The following ARID1A variants were observed in gnomAD, a reference collection of about 807,000 sequenced individuals.
ARID1A encodes the protein AT-rich interaction domain 1A, also known as AT-rich interactive domain-containing protein 1A.
Under a neutral mutation model 212.6 loss-of-function variants are expected in ARID1A, and 20 were observed. The ratio of observed to expected loss-of-function variants is 0.09; its 90% CI spans 0.07 to 0.14. ARID1A has a LOEUF of 0.14. Among genes scored for constraint, ARID1A ranks in the 10% least tolerant of loss-of-function variants. The probability of loss-of-function intolerance (pLI) is 1.00; values close to 1 mark genes in which losing one functional copy is unlikely to be tolerated. For missense variants in ARID1A, 2,587 were observed against 3,059.0 expected (o/e 0.85, Z 3.64); for synonymous variants, 1,376 against 1,222.1 (o/e 1.13, Z -2.63).
intron 11 of ARID1A, 99 bp downstream of exon 11, chr1:26,768,098 A>C (rs2081054260): frequency 7.7e-7 from 1 of 1,290,524 alleles, no homozygotes; most frequent in Middle Eastern, 2.5e-4. Flanking sequence ...CCACAGGGAC[A>C]TCATCCCCTC....
chr1:26,710,514 CA>C (rs2080442569), intron 1 of ARID1A, among the ~76,000 whole-genome samples: 1 of 151,176 alleles, frequency 6.6e-6, no homozygotes, highest in African/African-American at 2.4e-5. Flanking sequence ...CACACACACA[CA>C]CACACACACA....
At chr1:26,775,817 A>G (rs1026712691) in intron 19 of ARID1A, 110 bp downstream of exon 19, 20 of 1,503,710 alleles carry the variant, frequency 1.3e-5, no homozygotes, top group African/African-American at 5.5e-5. Context: ...TCTCTTGTAG[A>G]TATCTTCCAT....
intron 4 of ARID1A, among the ~76,000 whole-genome samples, chr1:26,758,502 C>G (rs994086844): frequency 1.3e-5 from 2 of 152,052 alleles, no homozygotes; most frequent in Non-Finnish European, 2.9e-5. Context: ...GCCTGTAGTC[C>G]CAGCTACTCA....
intron 7 of ARID1A, 36 bp downstream of exon 7, chr1:26,762,355 G>A (rs2124065147): frequency 1.3e-6 from 2 of 1,593,198 alleles, no homozygotes; most frequent in Non-Finnish European, 1.7e-6. Flanking sequence ...AGATACGGGT[G>A]AGAGGAGAAA....
intron 1 of ARID1A, among the ~76,000 whole-genome samples, chr1:26,718,841 T>A (rs1057464835): frequency 2.0e-5 from 3 of 152,216 alleles, no homozygotes; most frequent in African/African-American, 7.2e-5. Context: ...ACTTTGTTTT[T>A]CCTATACATG....
intron 4 of ARID1A, among the ~76,000 whole-genome samples, chr1:26,739,525 C>G (rs1352452815): frequency 6.6e-5 from 10 of 152,154 alleles, no homozygotes; most frequent in Non-Finnish European, 1.0e-4. Context: ...AATTACTAGA[C>G]TAGGAAGCCA....
Position 26,707,498 on chromosome 1 carries a change from C to T in ARID1A, c.1137+9958C>T, listed in dbSNP as rs542463281. The stretch of plus-strand genomic sequence containing the variant: ...CTGGGATTACAGGCATAAGCCACCA[C>T]GCCCGGCCTAATGTTTGTATTTTTA... On this transcript the variant is annotated intron_variant, in intron 1 of 19. Coordinates refer to ENST00000324856, the MANE Select transcript of ARID1A (RefSeq NM_006015.6). Among the ~76,000 whole-genome samples, 23 of 151,774 alleles carry T rather than the reference C, an allele frequency of 1.5e-4. No individual in the cohort carries two copies. The South Asian group carries it at 4.0e-3, about 26-fold the overall frequency.
intron 1 of ARID1A, among the ~76,000 whole-genome samples, chr1:26,719,863 C>T (rs1415218173): frequency 5.4e-5 from 8 of 149,452 alleles, no homozygotes; most frequent in African/African-American, 2.0e-4. Context: ...ATTGCTTGAA[C>T]CCGGGAGGCA....
intron 1 of ARID1A, among the ~76,000 whole-genome samples, chr1:26,700,418 T>C (rs2080320868): frequency 6.6e-6 from 1 of 152,252 alleles, no homozygotes; most frequent in Non-Finnish European, 1.5e-5. Context: ...CTATGTCTTT[T>C]TCACAGGACC....
intron 4 of ARID1A, among the ~76,000 whole-genome samples, chr1:26,736,876 T>G (rs1029944786): frequency 5.3e-5 from 7 of 131,462 alleles, no homozygotes; most frequent in African/African-American, 1.5e-4. Flanking sequence ...CACTCCAGCC[T>G]GGGCAACAAG....
intron 1 of ARID1A, among the ~76,000 whole-genome samples, chr1:26,718,203 G>A (rs573548214): frequency 3.3e-5 from 5 of 152,226 alleles, no homozygotes; most frequent in South Asian, 4.1e-4. Context: ...TCGAACTCCC[G>A]ACCTCAGGTG....
intron 4 of ARID1A, among the ~76,000 whole-genome samples, chr1:26,746,915 A>G (rs1570589969): frequency 6.6e-6 from 1 of 152,038 alleles, no homozygotes. Flanking sequence ...CACCTGTAAT[A>G]CCAGCTACTT....
chr1:26,753,658 C>T (rs1416715187), intron 4 of ARID1A, among the ~76,000 whole-genome samples: 2 of 152,236 alleles, frequency 1.3e-5, no homozygotes, highest in African/African-American at 2.4e-5. Context: ...CTGATCCTCA[C>T]CTCCCATCTC....
At chr1:26,766,843 C>T (rs1014826342) in intron 10 of ARID1A, among the ~76,000 whole-genome samples, 2 of 152,184 alleles carry the variant, frequency 1.3e-5, no homozygotes, top group African/African-American at 4.8e-5. Context: ...GCATCAAACT[C>T]TCTGTACTGT....
intron 4 of ARID1A, among the ~76,000 whole-genome samples, chr1:26,734,860 T>A (rs1365937866): frequency 6.6e-6 from 1 of 152,158 alleles, no homozygotes; most frequent in Admixed American, 6.5e-5. Flanking sequence ...AGGTACCTAT[T>A]GGCACCAGAG....
At chr1:26,773,295 C>G (rs2081100288) in intron 14 of ARID1A, 51 bp from the exon 15 acceptor site, 1 of 1,524,212 alleles carries the variant, frequency 6.6e-7, no homozygotes. Context: ...GGGTAGATTA[C>G]CAGGCTTGTC....
rs2081081506 is a variant in ARID1A at position 26,771,380 on chromosome 1, C to T, written c.3406+54C>T. The T allele has an allele frequency of 5.1e-6, 8 of 1,553,504 alleles. No homozygotes were observed. In the South Asian group the frequency reaches 6.7e-5, roughly 13 times the overall value. Reference sequence around the variant, plus strand: ...GGCTGAGAGGGCCTGTTGCCCTGGCCTCTTATTCAGGATATGAATAAGAGG... The same window carrying T: ...GGCTGAGAGGGCCTGTTGCCCTGGCTTCTTATTCAGGATATGAATAAGAGG... On this transcript the variant is annotated intron_variant, in intron 12 of 19. Transcript: ENST00000324856. This position sits in a 1 kb window ranked among gnomAD's most constrained non-coding sequence, Gnocchi z 5.4.
At chr1:26,720,581 A>G (rs966535926) in intron 1 of ARID1A, among the ~76,000 whole-genome samples, 3 of 152,072 alleles carry the variant, frequency 2.0e-5, no homozygotes, top group Non-Finnish European at 4.4e-5. Context: ...CTTAAGATTA[A>G]AAATACAGAT....
At chr1:26,738,463 GC>G (rs2080755561) in intron 4 of ARID1A, among the ~76,000 whole-genome samples, 1 of 152,144 alleles carries the variant, frequency 6.6e-6, no homozygotes, top group Non-Finnish European at 1.5e-5. Context: ...GTTGCTTATT[GC>G]CATAGTGCCT....
Sources: gnomAD v4.1 joint callset for allele counts (sites outside exome capture counted in the v4.1 genomes callset) on GRCh38, gnomAD v4.1.1 for gene constraint, Gnocchi (gnomAD v3.1) non-coding constraint, MANE v1.5 for transcripts, NCBI Gene and HGNC (gene_info 2026-07-23, HGNC 2026-07-21) for gene names.